Variants in ASAP2 observed in about 807,000 individuals in gnomAD.
ASAP2 encodes the protein ArfGAP with SH3 domain, ankyrin repeat and PH domain 2.
A neutral mutation model predicts 131.4 loss-of-function variants in ASAP2; 45 were observed. The observed-to-expected ratio is 0.34, with a 90% CI of 0.27 to 0.44. The LOEUF (loss-of-function observed/expected upper bound fraction) is 0.44. Ranked by LOEUF, ASAP2 falls within the 20% of genes least tolerant of loss-of-function variation. The pLI, the probability that ASAP2 is intolerant of heterozygous loss-of-function variation, is 1.00. For synonymous variants in ASAP2, 510 were observed against 503.0 expected, an observed-to-expected ratio of 1.01 and a Z score of -0.19; for missense variants, 1,011 against 1,297.0, an observed-to-expected ratio of 0.78 and a Z score of 3.39.
intron 3 of ASAP2, among the ~76,000 whole-genome samples, chr2:9,299,539 T>C (rs1668354257): frequency 6.6e-6 from 1 of 152,008 alleles, no homozygotes; most frequent in African/African-American, 2.4e-5. Flanking sequence ...AAGAAGAAAT[T>C]GAGAGTCAGG....
chr2:9,332,337 A>T (rs1235246225), intron 7 of ASAP2, among the ~76,000 whole-genome samples: 1 of 152,168 alleles, frequency 6.6e-6, no homozygotes, highest in African/African-American at 2.4e-5. Context: ...GCCAGGGCTG[A>T]CTGCACTTTG....
rs767990005 is a variant in ASAP2, at chr2:9,303,925, C to T, written c.345+6480C>T. Among the ~76,000 whole-genome samples, 7 of 152,176 alleles carry T rather than the reference C, an allele frequency of 4.6e-5. No individual in the cohort carries two copies. The East Asian group carries it at 5.8e-4, about 13-fold the overall frequency. ...GCGTGGGAGGGAGAACTCACAGAGA[C>T]GAGGACTGGGCACCTGCTGGGTGCT... On this transcript the variant is annotated intron_variant, in intron 3 of 27. Coordinates refer to ENST00000281419, the MANE Select transcript of ASAP2 (RefSeq NM_003887.3).
At chr2:9,310,738 C>A (rs1669241898) in intron 3 of ASAP2, among the ~76,000 whole-genome samples, 2 of 152,120 alleles carry the variant, frequency 1.3e-5, no homozygotes, top group Non-Finnish European at 2.9e-5. Context: ...TAGAAAGTGA[C>A]AGATCTACAG....
Position 9,279,335 on chromosome 2 carries a change from A to G in ASAP2, c.145A>G (p.Met49Val). The G allele has an allele frequency of 1.2e-6, 2 of 1,614,138 alleles. No homozygotes were observed. The highest frequency in any genetic ancestry group is 1.7e-6 in the Non-Finnish European group (2 of 1,180,014). The part of the protein sequence containing the change: ...AIEEALDVDR[M>V]VLYKMKKSVK... ...ATTTTAGGCTTTGGACGTGGACCGG[A>G]TGGTTCTTTACAAAATGAAGAAATC... The change falls in exon 2 of 28, where the codon ATG becomes GTG. Residue 49 changes from methionine to valine, a missense_variant. Around this residue, in one of 2 missense-constraint regions of ASAP2, gnomAD observed 359 missense variants for 598.1 expected, o/e 0.60. Transcript: ENST00000281419.
At chr2:9,214,777 T>TAAAA (rs34474684) in intron 1 of ASAP2, among the ~76,000 whole-genome samples, 1,270 of 103,030 alleles carry the variant, frequency 0.012, 4 homozygotes, top group Middle Eastern at 0.047. Context: ...CCTGGACGTC[T>TAAAA]AAAAAAAAAA....
chr2:9,380,612 T>G, intron 19 of ASAP2, 129 bp from the exon 20 acceptor site: 1 of 854,942 alleles, frequency 1.2e-6, no homozygotes, highest in Non-Finnish European at 2.0e-6. Context: ...TCAAACTCAC[T>G]GTGGATTTCA....
intron 1 of ASAP2, among the ~76,000 whole-genome samples, chr2:9,244,348 G>A (rs879520338): frequency 3.3e-5 from 5 of 152,188 alleles, no homozygotes; most frequent in Non-Finnish European, 5.9e-5. Context: ...CCACCATACA[G>A]TACCTTAGCA....
At chr2:9,286,445 A>ATATATATATATATATATATAT (rs199918521) in intron 2 of ASAP2, among the ~76,000 whole-genome samples, 1 of 98,562 alleles carries the variant, frequency 1.0e-5, no homozygotes, top group African/African-American at 3.6e-5. Flanking sequence ...AGGAAAAAAA[A>ATATATATATATATATATATAT]AAATATATAT....
rs140302523 is a variant in ASAP2 at position 9,275,912 on chromosome 2, G to A, written c.127-3405G>A. ...AAGATGTCCACAATATTGTTTTAAC[G>A]TGGCACTTAGCCACATTTCAGGTGC... On this transcript the variant is annotated intron_variant, in intron 1 of 27. Transcript: ENST00000281419. Among the ~76,000 whole-genome samples the A allele has an allele frequency of 8.3e-3, 1,261 of 152,246 alleles. 10 individuals are homozygous for A. Among genetic ancestry groups the A allele is most frequent in the Admixed American group, 0.014 (208 of 15,296 alleles).
intron 21 of ASAP2, among the ~76,000 whole-genome samples, chr2:9,386,678 G>A (rs931132766): frequency 6.6e-6 from 1 of 152,226 alleles, no homozygotes; most frequent in Admixed American, 6.5e-5. Context: ...CCTAGAAAGG[G>A]TTGGTGGTCC....
At chr2:9,244,293 C>A (rs1664184439) in intron 1 of ASAP2, among the ~76,000 whole-genome samples, 1 of 152,186 alleles carries the variant, frequency 6.6e-6, no homozygotes, top group Admixed American at 6.5e-5. Flanking sequence ...GAGACCCTGT[C>A]TCAAAACAAC....
chr2:9,342,604 T>G (rs971544584), intron 9 of ASAP2, among the ~76,000 whole-genome samples: 1 of 152,218 alleles, frequency 6.6e-6, no homozygotes, highest in African/African-American at 2.4e-5. Flanking sequence ...AGGCAATAGT[T>G]TCTTAGATAG....
At chr2:9,390,794 A>G (rs1675658023) in intron 22 of ASAP2, among the ~76,000 whole-genome samples, 1 of 152,200 alleles carries the variant, frequency 6.6e-6, no homozygotes, top group Non-Finnish European at 1.5e-5. Flanking sequence ...CTGATATTTG[A>G]TAAATAAACT....
chr2:9,393,546 C>A lies in ASAP2; in HGVS notation c.2583C>A (p.Ser861Arg). Residue 861 changes from serine (S) to arginine (R), a missense_variant, in exon 24 of 28, where the codon AGC becomes AGA. Physicochemically the swap from Ser to Arg is moderately radical, Grantham distance 110 (BLOSUM62 -1). Around this residue, in one of 2 missense-constraint regions of ASAP2, gnomAD observed 652 missense variants for 698.9 expected, o/e 0.93. Coordinates refer to ENST00000281419, the MANE Select transcript of ASAP2 (RefSeq NM_003887.3). ...CGCCCAGCGTAATGGAAGCCTTGAG[C>A]CAGCCGAGCAAGCCTGCCCCGCCTG... ...AKTPSVMEAL[S>R]QPSKPAPPGI... The A allele has an allele frequency of 6.3e-7, 1 of 1,594,856 alleles. No homozygotes were observed. Among genetic ancestry groups the A allele is most frequent in the Admixed American group, 1.7e-5 (1 of 57,984 alleles).
rs549209682 is a variant in ASAP2 at position 9,207,255 on chromosome 2, C to T, written c.126+25C>T. On this transcript the variant is annotated intron_variant, in intron 1 of 27. Coordinates refer to ENST00000281419, the MANE Select transcript of ASAP2 (RefSeq NM_003887.3). This position sits in a 1 kb window ranked among gnomAD's most constrained non-coding sequence, Gnocchi z 4.1. The stretch of plus-strand genomic sequence containing the variant: ...GGTGAGGCGGCCTGCGCGGCGGCTC[C>T]GGCCGCAGGTATCCCGCGCCCCAGC... The T allele has an allele frequency of 1.4e-5, 22 of 1,528,846 alleles. No individual in the cohort carries two copies. In the South Asian group the frequency reaches 2.3e-4, roughly 16 times the overall value. The allele number at this position is 1,528,846 out of a possible 1,614,324, so 94.7% of individuals were successfully genotyped here.
intron 2 of ASAP2, among the ~76,000 whole-genome samples, chr2:9,286,447 A>AAAAAT (rs58605449): frequency 4.3e-4 from 64 of 148,490 alleles, no homozygotes; most frequent in African/African-American, 1.6e-3. Context: ...GAAAAAAAAA[A>AAAAAT]ATATATATAT....
rs990894588 is a variant in ASAP2, at chr2:9,404,761, CTTTTTG to C, written c.*1443_*1448del. 9.4e-5 allele frequency: 14 copies of C among 148,840 alleles called. No individual in the cohort carries two copies. Among genetic ancestry groups the C allele is most frequent in the African/African-American group, 2.7e-4 (11 of 40,284 alleles). 9.2% of individuals were successfully genotyped at this position (148,840 alleles called of 1,614,324 possible). ...AGTTTTTTTTTTTTTTGGCATTGTA[CTTTTTG>C]TTTTTGTTATAAAGGAAGACAGAAC... On this transcript the variant is annotated 3_prime_UTR_variant, in exon 28 of 28. Transcript: ENST00000281419.
At chr2:9,252,673 A>AG (rs1251656612) in intron 1 of ASAP2, among the ~76,000 whole-genome samples, 1 of 151,958 alleles carries the variant, frequency 6.6e-6, no homozygotes, top group Non-Finnish European at 1.5e-5. Flanking sequence ...CCCAGCACTT[A>AG]GGGAGGTTGA....
At chr2:9,331,171 T>G (rs1313254528) in intron 7 of ASAP2, among the ~76,000 whole-genome samples, 3 of 152,260 alleles carry the variant, frequency 2.0e-5, no homozygotes, top group Admixed American at 2.0e-4. Context: ...CTCTGCACAC[T>G]GCTGTGCTCC....
Sources: allele counts gnomAD v4.1 joint callset (sites outside exome capture counted in the v4.1 genomes callset), GRCh38; gene constraint gnomAD v4.1.1; regional missense constraint gnomAD v4.1.1; non-coding constraint Gnocchi (gnomAD v3.1); transcripts MANE v1.5; gene names NCBI Gene and HGNC (gene_info 2026-07-23, HGNC 2026-07-21).